The following FBN2 variants were observed in gnomAD, a reference collection of about 807,000 sequenced individuals.
The protein encoded by FBN2 is fibrillin-2.
Under a neutral mutation model 355.6 loss-of-function variants are expected in FBN2, and 105 were observed. That is an observed-to-expected ratio of 0.30 (90% CI 0.25 to 0.35). The LOEUF is 0.35. FBN2 is among the 10% of genes least tolerant of loss of function. The pLI, the probability that FBN2 is intolerant of heterozygous loss-of-function variation, is 1.00. For synonymous variants in FBN2, 1,350 were observed against 1,301.2 expected, an observed-to-expected ratio of 1.04 and a Z score of -0.81; for missense variants, 3,280 against 3,758.7, an observed-to-expected ratio of 0.87 and a Z score of 3.33.
rs1289341768 is a variant in FBN2, at chr5:128,318,750, T to C, written c.4594+129A>G. ...CAAATAAATGCATCTGAATATAATT[T>C]TCTTTTTCTGAAAAATGTGTAACCT... On this transcript the variant is annotated intron_variant, in intron 35 of 64. Transcript: ENST00000262464. 38 of 823,116 alleles carry C rather than the reference T, an allele frequency of 4.6e-5. No homozygotes were observed. The East Asian group carries it at 9.5e-4, about 20-fold the overall frequency. The allele number at this position is 823,116 out of a possible 1,614,324, so 51.0% of individuals were successfully genotyped here.
chr5:128,302,756 T>C (rs2126835644), intron 46 of FBN2, among the ~76,000 whole-genome samples: 1 of 152,310 alleles, frequency 6.6e-6, no homozygotes, highest in Non-Finnish European at 1.5e-5. Flanking sequence ...GATTGGCTGA[T>C]TGACAAAAGG....
intron 5 of FBN2, among the ~76,000 whole-genome samples, chr5:128,517,592 T>A (rs923572899): frequency 1.3e-5 from 2 of 152,188 alleles, no homozygotes; most frequent in African/African-American, 4.8e-5. Flanking sequence ...ATAATAAAAA[T>A]ATCTTGATGT....
At chr5:128,378,320 C>T (rs1156317626) in intron 12 of FBN2, among the ~76,000 whole-genome samples, 1 of 152,138 alleles carries the variant, frequency 6.6e-6, no homozygotes. Context: ...GACAGGCAGT[C>T]ATCTGCTAAA....
intron 3 of FBN2, among the ~76,000 whole-genome samples, chr5:128,530,071 G>A (rs1231614098): frequency 6.6e-6 from 1 of 152,134 alleles, no homozygotes; most frequent in Non-Finnish European, 1.5e-5. Context: ...TTGTTATAAT[G>A]TTATCTTAAA....
rs185027565 is a variant in FBN2 at position 128,296,360 on chromosome 5, T to G, written c.6166+4457A>C. Among the ~76,000 whole-genome samples the G allele has an allele frequency of 1.1e-3, 167 of 152,266 alleles. 1 individual carries two copies. Among genetic ancestry groups the G allele is most frequent in the African/African-American group, 3.4e-3 (140 of 41,530 alleles). The stretch of plus-strand genomic sequence containing the variant: ...GATGATGCTGGCCTCATAACATGAG[T>G]TAGGGAGGATTCCCTCTTTTTCTAT... On this transcript the variant is annotated intron_variant, in intron 48 of 64. Transcript: ENST00000262464.
chr5:128,435,722 T>C lies in FBN2; in HGVS notation c.952+10759A>G, dbSNP rs371531112. 2.9e-4 allele frequency among the ~76,000 whole-genome samples: 44 copies of C among 152,302 alleles called. No homozygotes were observed. The East Asian group carries it at 4.4e-3, about 15-fold the overall frequency. On this transcript the variant is annotated intron_variant, in intron 7 of 64. Transcript: ENST00000262464. ...TTTTTCTCTATAATTTTCCTCTTGT[T>C]ACTGGGATAAATATGTTTGAAAATA... is the stretch of plus-strand genomic sequence containing the variant.
intron 48 of FBN2, among the ~76,000 whole-genome samples, chr5:128,295,937 A>T (rs1283867509): frequency 2.8e-5 from 4 of 145,454 alleles, no homozygotes; most frequent in African/African-American, 1.1e-4. Flanking sequence ...GAATGCTTCC[A>T]GTTTTTGCCC....
At chr5:128,471,094 T>A (rs1316594533) in intron 5 of FBN2, among the ~76,000 whole-genome samples, 1 of 152,202 alleles carries the variant, frequency 6.6e-6, no homozygotes, top group African/African-American at 2.4e-5. Context: ...TCTCAGTAAC[T>A]AATAAAGTGA....
chr5:128,503,727 C>G (rs1755876696), intron 5 of FBN2, among the ~76,000 whole-genome samples: 1 of 152,168 alleles, frequency 6.6e-6, no homozygotes, highest in African/African-American at 2.4e-5. Context: ...AAAAAAATTG[C>G]AGCCTGACAA....
chr5:128,260,025 T>C (rs917233034), intron 64 of FBN2, among the ~76,000 whole-genome samples, 196 bp from the exon 65 acceptor site: 3 of 152,016 alleles, frequency 2.0e-5, no homozygotes, highest in Admixed American at 2.0e-4. Flanking sequence ...AAAGGCCAAT[T>C]CCATCGAGAA....
intron 8 of FBN2, among the ~76,000 whole-genome samples, chr5:128,396,132 C>A (rs183728935): frequency 5.3e-4 from 80 of 152,100 alleles, no homozygotes; most frequent in Admixed American, 8.5e-4. Flanking sequence ...GAAGGTACAG[C>A]CAATGGGAAC....
intron 5 of FBN2, among the ~76,000 whole-genome samples, chr5:128,477,412 A>C (rs934266797): frequency 6.6e-6 from 1 of 152,190 alleles, no homozygotes; most frequent in African/African-American, 2.4e-5. Flanking sequence ...ATAAACTGCA[A>C]TAAAATTCAA....
chr5:128,283,182 G>A (rs899891791), intron 55 of FBN2, among the ~76,000 whole-genome samples: 10 of 152,214 alleles, frequency 6.6e-5, no homozygotes, highest in South Asian at 4.1e-4. Context: ...CCTTTTCAAG[G>A]AATCATTCCC....
In FBN2 at chr5:128,338,990, C is replaced by T; in HGVS notation, c.3415G>A (p.Glu1139Lys). 6.2e-7 allele frequency: 1 copy of T among 1,614,098 alleles called. No individual in the cohort carries two copies. Among genetic ancestry groups the T allele is most frequent in the South Asian group, 1.1e-5 (1 of 91,076 alleles). The change falls in exon 26 of 65, where the codon GAG becomes AAG. Residue 1139 changes from glutamate (E) to lysine (K), a missense_variant. Glu to Lys is a moderately conservative substitution (Grantham distance 56, BLOSUM62 1). Coordinates refer to ENST00000262464, the MANE Select transcript of FBN2 (RefSeq NM_001999.4). ...TCATAGCCTTCGAAGCACTCGCACTCAAAGCTGCCCGGTGTATTGACGCAG... is the reference window on the plus strand; with the variant it reads ...TCATAGCCTTCGAAGCACTCGCACTTAAAGCTGCCCGGTGTATTGACGCAG... ...GICVNTPGSF[E>K]CECFEGYESG...
chr5:128,400,457 T>C (rs770741342), intron 8 of FBN2, among the ~76,000 whole-genome samples: 5 of 152,096 alleles, frequency 3.3e-5, no homozygotes, highest in South Asian at 2.1e-4. Flanking sequence ...TTTTCAGTAA[T>C]AGATATAGTA....
At position 128,269,949 on chromosome 5, in the gene FBN2, A is replaced by G. The variant is rs541653076; in HGVS notation, c.7960+2050T>C. ...ATGCTACCTGTCTTCAAAGTATACA[A>G]CAAGGCTACAGTAACCAAAACAACA... is the stretch of plus-strand genomic sequence containing the variant. On this transcript the variant is annotated intron_variant, in intron 62 of 64. Coordinates refer to ENST00000262464, the MANE Select transcript of FBN2 (RefSeq NM_001999.4). 2.0e-5 allele frequency among the ~76,000 whole-genome samples: 3 copies of G among 152,342 alleles called. No homozygotes were observed. The South Asian group carries it at 6.2e-4, about 32-fold the overall frequency.
At chr5:128,438,526 G>C (rs1426059590) in intron 7 of FBN2, among the ~76,000 whole-genome samples, 1 of 152,112 alleles carries the variant, frequency 6.6e-6, no homozygotes, top group African/African-American at 2.4e-5. Context: ...ATAGTTTTAT[G>C]GTAAGTGGAA....
intron 36 of FBN2, among the ~76,000 whole-genome samples, chr5:128,315,527 G>C (rs1046720787): frequency 6.6e-6 from 1 of 152,192 alleles, no homozygotes; most frequent in African/African-American, 2.4e-5. Context: ...TTGTTGATGA[G>C]AGGACAGCCG....
intron 34 of FBN2, 85 bp from the exon 35 acceptor site, chr5:128,319,086 T>G: frequency 8.9e-7 from 1 of 1,117,678 alleles, no homozygotes; most frequent in East Asian, 2.5e-5. Flanking sequence ...CGCATTTTTC[T>G]GCCCCCTCAG....
Sources: gnomAD v4.1 joint callset for allele counts (sites outside exome capture counted in the v4.1 genomes callset) on GRCh38, gnomAD v4.1.1 for gene constraint, MANE v1.5 for transcripts, NCBI Gene and HGNC (gene_info 2026-07-23, HGNC 2026-07-21) for gene names.